FAM76B: variants seen among roughly 807,000 people sequenced by gnomAD.
The protein encoded by FAM76B is protein FAM76B.
FAM76B carries 16 observed loss-of-function variants against 51.8 expected under a neutral mutation model. The observed-to-expected ratio is 0.31, with a 90% CI of 0.21 to 0.47. FAM76B has a LOEUF of 0.47. FAM76B is among the 20% of genes least tolerant of loss of function. The pLI, the probability that FAM76B is intolerant of heterozygous loss-of-function variation, is 1.00. For synonymous variants in FAM76B, 166 were observed against 129.5 expected (o/e 1.28, Z -1.91); for missense variants, 342 against 392.6 (o/e 0.87, Z 1.09).
intron 5 of FAM76B, among the ~76,000 whole-genome samples, chr11:95,780,799 A>C (rs1860225851): frequency 6.6e-6 from 1 of 152,004 alleles, no homozygotes; most frequent in Non-Finnish European, 1.5e-5. Flanking sequence ...TACATACCTT[A>C]TACTGATATG....
At chr11:95,788,962 A>C (rs1860785594) in intron 1 of FAM76B, 1 of 1,348,712 alleles carries the variant, frequency 7.4e-7, no homozygotes, top group Non-Finnish European at 9.7e-7. Context: ...ACAGGGAAGA[A>C]GGATGCCATC....
At chr11:95,776,477 T>A (rs942297897) in intron 8 of FAM76B, among the ~76,000 whole-genome samples, 2 of 151,526 alleles carry the variant, frequency 1.3e-5, no homozygotes, top group Non-Finnish European at 3.0e-5. Context: ...AAAGGAATGG[T>A]CTTTTCAGCC....
At chr11:95,774,296 C>G (rs944823686) in intron 9 of FAM76B, among the ~76,000 whole-genome samples, 5 of 151,282 alleles carry the variant, frequency 3.3e-5, no homozygotes, top group African/African-American at 9.7e-5. Flanking sequence ...ACAAGTAAGA[C>G]AGCATATGTA....
intron 7 of FAM76B, 30 bp downstream of exon 7, chr11:95,779,577 T>C (rs1172304155): frequency 6.4e-7 from 1 of 1,569,502 alleles, no homozygotes; most frequent in East Asian, 2.3e-5. Flanking sequence ...TAAGTTGAAT[T>C]TTCATAACAC....
chr11:95,775,808 A>T (rs1859977394), intron 9 of FAM76B, 114 bp downstream of exon 9: 8 of 524,008 alleles, frequency 1.5e-5, no homozygotes, highest in Non-Finnish European at 2.5e-5. Context: ...ATCAAAACTG[A>T]AATGCACCAA....
intron 3 of FAM76B, chr11:95,786,476 T>C (rs1860595164): frequency 6.0e-6 from 3 of 501,332 alleles, no homozygotes; most frequent in Admixed American, 3.6e-5. Flanking sequence ...TCTAGTCATG[T>C]AACTATTACT....
In FAM76B at chr11:95,779,899, CTCT is replaced by C. The variant is rs1251434499; in HGVS notation, c.588_590del (p.Glu197del). Reference sequence around the variant, plus strand: ...TTTACCTCTGTTTCCACAGTCCCTGCTCTTCTTCTGGACTTAGATTGCTGATTC... The same window carrying C: ...TTTACCTCTGTTTCCACAGTCCCTGCTCTTCTGGACTTAGATTGCTGATTC... On this transcript the variant is annotated inframe_deletion, in exon 6 of 10. Transcript: ENST00000358780. 1.2e-6 allele frequency: 2 copies of C among 1,605,608 alleles called. No homozygotes were observed. Among genetic ancestry groups the C allele is most frequent in the Non-Finnish European group, 1.7e-6 (2 of 1,176,474 alleles).
chr11:95,779,415 T>C (rs1214030983), intron 7 of FAM76B, 192 bp downstream of exon 7: 2 of 592,972 alleles, frequency 3.4e-6, no homozygotes, highest in African/African-American at 1.9e-5. Flanking sequence ...TAGAACAACA[T>C]AGTTCAGTGC....
rs561822502 is a variant in FAM76B at position 95,786,056 on chromosome 11, T to C, written c.363+63A>G. 169 of 1,562,816 alleles carry C rather than the reference T, an allele frequency of 1.1e-4. No individual in the cohort carries two copies. In the African/African-American group the frequency reaches 2.0e-3, roughly 19 times the overall value. On this transcript the variant is annotated intron_variant, in intron 4 of 9. Coordinates refer to ENST00000358780, the MANE Select transcript of FAM76B (RefSeq NM_144664.5). ...AGTCTCAGTAGTGTATTAATTATAA[T>C]TTCCAACTTGTTTGGCATTTTATTT...
chr11:95,779,260 T>C, intron 7 of FAM76B: 1 of 741,038 alleles, frequency 1.3e-6, no homozygotes, highest in Non-Finnish European at 2.1e-6. Flanking sequence ...AAAGTAACGC[T>C]CATAATATTT....
intron 9 of FAM76B, among the ~76,000 whole-genome samples, chr11:95,772,694 T>C (rs544664518): frequency 5.3e-5 from 8 of 151,098 alleles, no homozygotes; most frequent in Non-Finnish European, 1.0e-4. Context: ...TCTCAGTACT[T>C]CATATTTTAT....
In FAM76B at chr11:95,770,150, TCAAA is replaced by T. The variant is rs1463489692; in HGVS notation, c.*1407_*1410del. 1 of 151,568 alleles carries T rather than the reference TCAAA, an allele frequency of 6.6e-6. No individual in the cohort carries two copies. Among genetic ancestry groups the T allele is most frequent in the Non-Finnish European group, 1.5e-5 (1 of 67,572 alleles). The allele number at this position is 151,568 out of a possible 1,614,324, so 9.4% of individuals were successfully genotyped here. ...CAGTGTATCTAGCAATACTTTAAAA[TCAAA>T]CTAAAACTCTGAACTGATAATAACT... On this transcript the variant is annotated 3_prime_UTR_variant, in exon 10 of 10. Coordinates refer to ENST00000358780, the MANE Select transcript of FAM76B (RefSeq NM_144664.5).
chr11:95,778,784 C>T, intron 8 of FAM76B, 38 bp downstream of exon 8: 2 of 1,560,384 alleles, frequency 1.3e-6, no homozygotes, highest in South Asian at 2.4e-5. Context: ...ACAGTCAACA[C>T]ATAACTCTTA....
In FAM76B at chr11:95,783,092, T is replaced by C; in HGVS notation, c.536A>G (p.His179Arg). 6.2e-7 allele frequency: 1 copy of C among 1,613,790 alleles called. No homozygotes were observed. Among genetic ancestry groups the C allele is most frequent in the Non-Finnish European group, 8.5e-7 (1 of 1,179,786 alleles). ...GTGATGGCTACTGCTGTGACGATGGTGATGGTGATGATGGTGGTGATGATG... is the reference window on the plus strand; with the variant it reads ...GTGATGGCTACTGCTGTGACGATGGCGATGGTGATGATGGTGGTGATGATG... ...PKHHHHHHHH[H>R]HRHSSSHHKI... Residue 179 changes from histidine (H) to arginine (R), a missense_variant, in exon 5 of 10, where the codon CAC (histidine) becomes CGC (arginine). Physicochemically the swap from His to Arg is conservative, Grantham distance 29. This residue lies in a region of FAM76B where 230 missense variants were observed against 257.4 expected (regional missense o/e 0.89). Coordinates refer to ENST00000358780, the MANE Select transcript of FAM76B (RefSeq NM_144664.5).
Position 95,788,819 on chromosome 11 carries a change from C to T in FAM76B, c.88-256G>A, listed in dbSNP as rs1337884379. 8.9e-6 allele frequency: 13 copies of T among 1,457,462 alleles called. No homozygotes were observed. The East Asian group carries it at 3.2e-4, about 36-fold the overall frequency. 90.3% of individuals were successfully genotyped at this position (1,457,462 alleles called of 1,614,324 possible). A position where few individuals can be genotyped will look rare whatever the true frequency, so the allele number is the denominator to read the frequency against. Reference sequence around the variant, plus strand: ...TTAAGAAAGCTGTCAGGGCCTATTTCAAGGATTGGTTAAATGTGAAACTAC... The same window carrying T: ...TTAAGAAAGCTGTCAGGGCCTATTTTAAGGATTGGTTAAATGTGAAACTAC... On this transcript the variant is annotated intron_variant, in intron 1 of 9. Transcript: ENST00000358780.
At chr11:95,778,169 C>G (rs1198407502) in intron 8 of FAM76B, among the ~76,000 whole-genome samples, 1 of 151,488 alleles carries the variant, frequency 6.6e-6, no homozygotes, top group Admixed American at 6.6e-5. Context: ...GTTTCCTGTT[C>G]CATGCCTGTC....
intron 4 of FAM76B, among the ~76,000 whole-genome samples, chr11:95,785,537 G>C (rs1438117527): frequency 6.6e-6 from 1 of 152,168 alleles, no homozygotes; most frequent in African/African-American, 2.4e-5. Flanking sequence ...GTCTTATAAT[G>C]GGATATGTAC....
In FAM76B at chr11:95,771,787, A is replaced by G. The variant is rs1859778460; in HGVS notation, c.931-137T>C. On this transcript the variant is annotated intron_variant, in intron 9 of 9. Coordinates refer to ENST00000358780, the MANE Select transcript of FAM76B (RefSeq NM_144664.5). ...GCACTAACATTAAATGAAAGAGTTG[A>G]TACCTTTACATTCATCTCTTTAAGG... 6 of 623,618 alleles carry G rather than the reference A, an allele frequency of 9.6e-6. No homozygotes were observed. The Admixed American group carries it at 1.3e-4, about 14-fold the overall frequency. 38.6% of individuals were successfully genotyped at this position (623,618 alleles called of 1,614,324 possible).
At chr11:95,780,877 T>G (rs927228324) in intron 5 of FAM76B, among the ~76,000 whole-genome samples, 3 of 152,002 alleles carry the variant, frequency 2.0e-5, no homozygotes, top group Admixed American at 2.0e-4. Context: ...TAGACATATA[T>G]ATATATACAT....
Sources: gnomAD v4.1 joint callset for allele counts (sites outside exome capture counted in the v4.1 genomes callset) on GRCh38, gnomAD v4.1.1 for gene constraint, gnomAD v4.1.1 regional missense constraint, MANE v1.5 for transcripts, NCBI Gene and HGNC (gene_info 2026-07-23, HGNC 2026-07-21) for gene names.